The following BPIFB1 variants were observed in gnomAD, a reference collection of about 807,000 sequenced individuals.
The protein encoded by BPIFB1 is BPI fold containing family B member 1.
BPIFB1 carries 34 observed loss-of-function variants against 55.1 expected under a neutral mutation model. The observed-to-expected ratio is 0.62, with a 90% CI of 0.47 to 0.82. The LOEUF is 0.82. Among genes scored for constraint, BPIFB1 ranks in the 40% least tolerant of loss-of-function variants. The pLI is 0.00. For missense variants in BPIFB1, 532 were observed against 593.1 expected (o/e 0.90, Z 1.07); for synonymous variants, 236 against 245.3 (o/e 0.96, Z 0.35).
intron 13 of BPIFB1, among the ~76,000 whole-genome samples, chr20:33,305,479 G>A (rs1484312793): frequency 1.3e-5 from 2 of 151,676 alleles, no homozygotes; most frequent in Non-Finnish European, 2.9e-5. Context: ...CACCACGCCC[G>A]GCTAATTTTT....
chr20:33,295,678 A>AAGAAAGAG (rs1568650123), intron 6 of BPIFB1, among the ~76,000 whole-genome samples: 1 of 150,612 alleles, frequency 6.6e-6, no homozygotes, highest in Admixed American at 6.6e-5. Flanking sequence ...GAAAGAAAGA[A>AAGAAAGAG]AGAGAGAAAA....
intron 6 of BPIFB1, among the ~76,000 whole-genome samples, chr20:33,296,819 C>T (rs904052038): frequency 6.0e-4 from 91 of 152,350 alleles, no homozygotes; most frequent in African/African-American, 2.0e-3. Flanking sequence ...AAGAGATTGC[C>T]CAGGAGTCTG....
chr20:33,287,781 C>A (rs954826550), intron 2 of BPIFB1, among the ~76,000 whole-genome samples: 4 of 152,142 alleles, frequency 2.6e-5, no homozygotes, highest in African/African-American at 9.7e-5. Flanking sequence ...TGGGGAACTG[C>A]CTAGAAGCTA....
At chr20:33,295,662 G>GAAAGAAAGAAAGAAAGA (rs1980617971) in intron 6 of BPIFB1, among the ~76,000 whole-genome samples, 2 of 136,176 alleles carry the variant, frequency 1.5e-5, no homozygotes, top group African/African-American at 6.7e-5. Flanking sequence ...GAAAGAAAGA[G>GAAAGAAAGAAAGAAAGA]AGAAAGAAAG....
Position 33,291,122 on chromosome 20 carries a change from C to G in BPIFB1, c.515+16C>G, listed in dbSNP as rs774625292. 2 of 1,606,872 alleles carry G rather than the reference C, an allele frequency of 1.2e-6. No homozygotes were observed. The highest frequency in any genetic ancestry group is 1.3e-5 in the African/African-American group (1 of 74,940). ...TGCTGCATAAGTGAGTGTCGCTGGCCACCAGCCGGGCTCCCATCCTGCCTG... is the reference window on the plus strand; with the variant it reads ...TGCTGCATAAGTGAGTGTCGCTGGCGACCAGCCGGGCTCCCATCCTGCCTG... On this transcript the variant is annotated intron_variant, in intron 5 of 15. Transcript: ENST00000253354.
At chr20:33,295,739 A>T (rs900197285) in intron 6 of BPIFB1, among the ~76,000 whole-genome samples, 1 of 148,476 alleles carries the variant, frequency 6.7e-6, no homozygotes, top group Non-Finnish European at 1.5e-5. Flanking sequence ...GGAAGGAAGG[A>T]AGGAGAGAGA....
At chr20:33,288,929 T>C in intron 3 of BPIFB1, 47 bp downstream of exon 3, 1 of 1,579,286 alleles carries the variant, frequency 6.3e-7, no homozygotes, top group Non-Finnish European at 8.6e-7. Flanking sequence ...TCCCACACCT[T>C]TGCCCGGGAC....
chr20:33,303,692 A>G (rs1464498959), intron 11 of BPIFB1, among the ~76,000 whole-genome samples: 1 of 152,174 alleles, frequency 6.6e-6, no homozygotes, highest in Non-Finnish European at 1.5e-5. Flanking sequence ...TGAGGGCTCT[A>G]TGAATAGTGG....
At chr20:33,297,283 G>A (rs150506640) in intron 6 of BPIFB1, among the ~76,000 whole-genome samples, 3 of 152,360 alleles carry the variant, frequency 2.0e-5, no homozygotes, top group African/African-American at 7.2e-5. Flanking sequence ...AGAGAGGGAG[G>A]GCTGCTGGCA....
intron 6 of BPIFB1, among the ~76,000 whole-genome samples, chr20:33,296,298 G>A (rs1329896528): frequency 6.6e-6 from 1 of 152,226 alleles, no homozygotes; most frequent in Non-Finnish European, 1.5e-5. Flanking sequence ...GAGTCTCTGA[G>A]CTGAAAGTCT....
chr20:33,306,068 G>A lies in BPIFB1; in HGVS notation c.1318+3G>A, dbSNP rs752647553. The A allele has an allele frequency of 6.2e-7, 1 of 1,614,034 alleles. No individual in the cohort carries two copies. The highest frequency in any genetic ancestry group is 1.1e-5 in the South Asian group (1 of 91,084). The stretch of plus-strand genomic sequence containing the variant: ...CATCCTGCTGCCGAACCAGAATGGT[G>A]CATACCTCTGCCATCTGTGCCCCCT... On this transcript the variant is annotated splice_donor_region_variant and intron_variant, in intron 14 of 15. Coordinates refer to ENST00000253354, the MANE Select transcript of BPIFB1 (RefSeq NM_033197.3).
Position 33,302,431 on chromosome 20 carries a change from T to A in BPIFB1, c.981+19T>A. ...TGAAAAGGTTGGTCTGTTTGCCATC[T>A]GCAGCTTGAGGGGTGTTTGCTGTGG... On this transcript the variant is annotated intron_variant, in intron 10 of 15. Transcript: ENST00000253354. The A allele has an allele frequency of 6.2e-7, 1 of 1,613,858 alleles. No homozygotes were observed. Among genetic ancestry groups the A allele is most frequent in the Non-Finnish European group, 8.5e-7 (1 of 1,179,910 alleles).
intron 1 of BPIFB1, among the ~76,000 whole-genome samples, chr20:33,284,844 T>C (rs1302648264): frequency 1.3e-5 from 2 of 152,108 alleles, no homozygotes; most frequent in African/African-American, 4.8e-5. Flanking sequence ...CCCAAGCTCC[T>C]CTCCCTGGCA....
chr20:33,302,660 G>A, intron 10 of BPIFB1: 1 of 625,578 alleles, frequency 1.6e-6, no homozygotes, highest in Non-Finnish European at 2.8e-6. Flanking sequence ...GAACACTCTG[G>A]GCCCCTGATA....
intron 1 of BPIFB1, among the ~76,000 whole-genome samples, chr20:33,284,646 C>G (rs927682934): frequency 2.6e-5 from 4 of 152,144 alleles, no homozygotes. Flanking sequence ...CTGAACCAAG[C>G]GAGGGGCTCA....
rs751314364 is a variant in BPIFB1 at position 33,306,082 on chromosome 20, T to C, written c.1318+17T>C. 29 of 1,613,892 alleles carry C rather than the reference T, an allele frequency of 1.8e-5. No homozygotes were observed. The South Asian group carries it at 3.1e-4, about 17-fold the overall frequency. On this transcript the variant is annotated intron_variant, in intron 14 of 15. Coordinates refer to ENST00000253354, the MANE Select transcript of BPIFB1 (RefSeq NM_033197.3). ...ACCAGAATGGTGCATACCTCTGCCA[T>C]CTGTGCCCCCTCTCTCCCCAGGGCT...
chr20:33,304,840 T>C lies in BPIFB1; in HGVS notation c.1209-6T>C, dbSNP rs573235365. On this transcript the variant is annotated splice_region_variant and splice_polypyrimidine_tract_variant and intron_variant, in intron 12 of 15. Transcript: ENST00000253354. The stretch of plus-strand genomic sequence containing the variant: ...GGGCCGCTCTCACAGGCATCTTCCA[T>C]TGCAGCTCTGATCGGATCCAGCTGA... 3.0e-5 allele frequency: 49 copies of C among 1,614,192 alleles called. No individual in the cohort carries two copies. The highest frequency in any genetic ancestry group is 5.3e-5 in the African/African-American group (4 of 75,040).
Position 33,289,740 on chromosome 20 carries a change from A to G in BPIFB1, c.258-145A>G, listed in dbSNP as rs995802233. On this transcript the variant is annotated intron_variant, in intron 3 of 15. Coordinates refer to ENST00000253354, the MANE Select transcript of BPIFB1 (RefSeq NM_033197.3). ...GGAGTGGAGGGGAGGGATGGAGGCA[A>G]GACCATCTGGAGAGGAGTCGGTGGG... 6 of 687,058 alleles carry G rather than the reference A, an allele frequency of 8.7e-6. No homozygotes were observed. In the African/African-American group the frequency reaches 1.1e-4, roughly 12 times the overall value. 42.6% of individuals were successfully genotyped at this position (687,058 alleles called of 1,614,324 possible). A position where few individuals can be genotyped will look rare whatever the true frequency, so the allele number is the denominator to read the frequency against.
Position 33,288,749 on chromosome 20 carries a change from C to G in BPIFB1, c.124C>G (p.Gln42Glu), listed in dbSNP as rs1164812935. ...GPKVIKEKLTQELKDHNATSI... is the reference protein window; with the variant it reads ...GPKVIKEKLTEELKDHNATSI... ...CTGGGGTCTGCCTCCAGAGCTGACA[C>G]AGGAGCTGAAGGACCACAACGCCAC... Residue 42 changes from glutamine (Q) to glutamate (E), a missense_variant, in exon 3 of 16, where the codon CAG becomes GAG. Transcript: ENST00000253354. 1 of 1,613,770 alleles carries G rather than the reference C, an allele frequency of 6.2e-7. No individual in the cohort carries two copies.
Sources: gnomAD v4.1 joint callset for allele counts (sites outside exome capture counted in the v4.1 genomes callset) on GRCh38, gnomAD v4.1.1 for gene constraint, MANE v1.5 for transcripts, NCBI Gene and HGNC (gene_info 2026-07-23, HGNC 2026-07-21) for gene names.